Variants in UPF2 observed in about 807,000 individuals in gnomAD.
The protein encoded by UPF2 is UPF2 regulator of nonsense mediated mRNA decay.
Under a neutral mutation model 141.4 loss-of-function variants are expected in UPF2, and 17 were observed. The ratio of observed to expected loss-of-function variants is 0.12; its 90% CI spans 0.08 to 0.18. UPF2 has a LOEUF of 0.18. UPF2 is among the 10% of genes least tolerant of loss of function. The probability of loss-of-function intolerance (pLI) is 1.00; values close to 1 mark genes in which losing one functional copy is unlikely to be tolerated. For synonymous variants in UPF2, 540 were observed against 498.0 expected, an observed-to-expected ratio of 1.08 and a Z score of -1.12; for missense variants, 1,152 against 1,515.9, an observed-to-expected ratio of 0.76 and a Z score of 3.99.
At chr10:11,965,406 C>T (rs993595415) in intron 10 of UPF2, among the ~76,000 whole-genome samples, 1 of 152,108 alleles carries the variant, frequency 6.6e-6, no homozygotes, top group Non-Finnish European at 1.5e-5. Context: ...TCCAGAGATG[C>T]TCTAAGAAGG....
chr10:11,971,862 G>A (rs1833423446), intron 9 of UPF2, among the ~76,000 whole-genome samples: 1 of 151,984 alleles, frequency 6.6e-6, no homozygotes. Flanking sequence ...TCAGGAGTTT[G>A]AGATCAGCCT....
intron 9 of UPF2, among the ~76,000 whole-genome samples, chr10:11,973,091 T>C (rs2131217365): frequency 6.6e-6 from 1 of 152,344 alleles, no homozygotes; most frequent in African/African-American, 2.4e-5. Context: ...TGGTGTGAGA[T>C]GGTATCTCAT....
At chr10:11,995,245 T>C (rs1413602828) in intron 8 of UPF2, among the ~76,000 whole-genome samples, 1 of 152,008 alleles carries the variant, frequency 6.6e-6, no homozygotes, top group South Asian at 2.1e-4. Context: ...GGCAAAGGTA[T>C]GGGAGTAGAG....
At chr10:11,976,860 C>T (rs1251475984) in intron 9 of UPF2, among the ~76,000 whole-genome samples, 2 of 152,168 alleles carry the variant, frequency 1.3e-5, no homozygotes, top group Non-Finnish European at 2.9e-5. Context: ...TGAGGAGCTG[C>T]ATGTGCATTA....
chr10:11,942,550 A>T, intron 18 of UPF2, 115 bp downstream of exon 18: 2 of 871,132 alleles, frequency 2.3e-6, no homozygotes, highest in East Asian at 2.6e-5. Context: ...ATGATCTAGC[A>T]AAAGCTGCTG....
At chr10:12,022,257 A>G (rs560236920) in intron 3 of UPF2, among the ~76,000 whole-genome samples, 14 of 150,390 alleles carry the variant, frequency 9.3e-5, no homozygotes, top group African/African-American at 3.2e-4. Context: ...TCTAAAACAC[A>G]AAAAATTAGC....
chr10:11,961,453 T>C (rs1833239303), intron 11 of UPF2, among the ~76,000 whole-genome samples: 1 of 151,158 alleles, frequency 6.6e-6, no homozygotes, highest in Middle Eastern at 3.2e-3. Context: ...AAGAAAGGCA[T>C]ATGTGGCACG....
intron 10 of UPF2, among the ~76,000 whole-genome samples, chr10:11,965,014 T>A (rs148818282): frequency 1.4e-4 from 21 of 152,364 alleles, no homozygotes; most frequent in African/African-American, 5.0e-4. Flanking sequence ...TGACTGTGAC[T>A]TGCCACATGA....
intron 2 of UPF2, 117 bp downstream of exon 2, chr10:12,034,942 T>A (rs1308805269): frequency 2.9e-6 from 4 of 1,398,472 alleles, no homozygotes; most frequent in Non-Finnish European, 2.9e-6. Flanking sequence ...TAAATTAAGA[T>A]ACTCCCAATT....
At position 11,967,329 on chromosome 10, in the gene UPF2, T is replaced by C; in HGVS notation, c.2067+12A>G. 1 of 1,418,230 alleles carries C rather than the reference T, an allele frequency of 7.1e-7. No individual in the cohort carries two copies. The highest frequency in any genetic ancestry group is 9.5e-7 in the Non-Finnish European group (1 of 1,057,596). The allele number at this position is 1,418,230 out of a possible 1,614,324, so 87.9% of individuals were successfully genotyped here. A position where few individuals can be genotyped will look rare whatever the true frequency, so the allele number is the denominator to read the frequency against. The stretch of plus-strand genomic sequence containing the variant: ...TTTTCAATTAAAAACAATCAACTAA[T>C]TCAGCACTAACCTTTAAACAATGCA... On this transcript the variant is annotated intron_variant, in intron 10 of 21. Coordinates refer to ENST00000357604, the MANE Select transcript of UPF2 (RefSeq NM_015542.4).
intron 1 of UPF2, among the ~76,000 whole-genome samples, chr10:12,041,657 T>C (rs1318474413): frequency 6.6e-6 from 1 of 152,200 alleles, no homozygotes; most frequent in Admixed American, 6.5e-5. Context: ...AATTCTCTTA[T>C]TCAAAATGCT....
At chr10:12,027,724 T>C (rs1834445987) in intron 3 of UPF2, among the ~76,000 whole-genome samples, 1 of 152,200 alleles carries the variant, frequency 6.6e-6, no homozygotes, top group East Asian at 1.9e-4. Flanking sequence ...CCACAGTCTC[T>C]ACCTTGACCC....
At chr10:12,036,527 A>G (rs1049362030) in intron 1 of UPF2, among the ~76,000 whole-genome samples, 5 of 152,230 alleles carry the variant, frequency 3.3e-5, no homozygotes, top group African/African-American at 9.6e-5. Context: ...TTCCACAGAA[A>G]GTTCTATTGG....
At chr10:11,943,432 A>G (rs1041081527) in intron 16 of UPF2, among the ~76,000 whole-genome samples, 1 of 152,190 alleles carries the variant, frequency 6.6e-6, no homozygotes, top group Non-Finnish European at 1.5e-5. Flanking sequence ...TTCCACAATG[A>G]AGAAGTTTCC....
chr10:12,021,454 C>A (rs1834316706), intron 3 of UPF2, among the ~76,000 whole-genome samples: 1 of 151,688 alleles, frequency 6.6e-6, no homozygotes, highest in Non-Finnish European at 1.5e-5. Context: ...TGGGAGATAG[C>A]GAGGCTGCAG....
At chr10:12,035,552 T>A in intron 1 of UPF2, 111 bp from the exon 2 acceptor site, 1 of 1,178,642 alleles carries the variant, frequency 8.5e-7, no homozygotes, top group Non-Finnish European at 1.1e-6. Flanking sequence ...TGTAAAAGAG[T>A]AAATAAAGGC....
intron 21 of UPF2, among the ~76,000 whole-genome samples, chr10:11,922,778 A>T (rs931630129): frequency 3.3e-5 from 5 of 151,120 alleles, no homozygotes; most frequent in Admixed American, 2.0e-4. Context: ...AAGATATATA[A>T]AAAAAAAATC....
chr10:12,013,918 G>A (rs1834174435), intron 4 of UPF2, 106 bp downstream of exon 4: 14 of 1,175,824 alleles, frequency 1.2e-5, no homozygotes, highest in Admixed American at 1.0e-4. Flanking sequence ...AAATGTTGAC[G>A]CCATTTTAAA....
chr10:11,981,685 TC>T (rs1396692338), intron 8 of UPF2, among the ~76,000 whole-genome samples: 1 of 8,558 alleles, frequency 1.2e-4, no homozygotes, highest in East Asian at 0.083. Context: ...TGTAAGGTAC[TC>T]TTTTTTTTTT....
Sources: allele counts gnomAD v4.1 joint callset (sites outside exome capture counted in the v4.1 genomes callset), GRCh38; gene constraint gnomAD v4.1.1; transcripts MANE v1.5; gene names NCBI Gene and HGNC (gene_info 2026-07-23, HGNC 2026-07-21).